AK5: variants seen among roughly 807,000 people sequenced by gnomAD.
AK5 encodes the protein adenylate kinase isoenzyme 5.
In AK5, 27 loss-of-function variants were observed where a neutral mutation model predicts 69.5. That is an observed-to-expected ratio of 0.39 (90% CI 0.29 to 0.54). The LOEUF is 0.54. Ranked by LOEUF, AK5 falls within the 20% of genes least tolerant of loss-of-function variation. The probability of loss-of-function intolerance (pLI) is 0.71; values close to 1 mark genes in which losing one functional copy is unlikely to be tolerated. For synonymous variants in AK5, 260 were observed against 244.4 expected (o/e 1.06, Z -0.60); for missense variants, 531 against 700.4 (o/e 0.76, Z 2.73).
chr1:77,442,178 G>C (rs1414116332), intron 8 of AK5, among the ~76,000 whole-genome samples: 1 of 152,180 alleles, frequency 6.6e-6, no homozygotes, highest in East Asian at 1.9e-4. Context: ...TCAAAACTCA[G>C]CTTAGGGATG....
intron 12 of AK5, among the ~76,000 whole-genome samples, chr1:77,534,698 G>A (rs1658859080): frequency 6.6e-6 from 1 of 152,158 alleles, no homozygotes. Context: ...TGGCATGTGT[G>A]TGTAGCCCCA....
At chr1:77,467,793 G>A (rs1654231012) in intron 8 of AK5, among the ~76,000 whole-genome samples, 1 of 152,194 alleles carries the variant, frequency 6.6e-6, no homozygotes, top group South Asian at 2.1e-4. Context: ...AGGCTGCTCT[G>A]AATTCATACG....
At chr1:77,443,191 T>A (rs1051400690) in intron 8 of AK5, among the ~76,000 whole-genome samples, 6 of 152,202 alleles carry the variant, frequency 3.9e-5, no homozygotes, top group African/African-American at 1.2e-4. Context: ...ATGTTGAGTA[T>A]CTCTTACTCA....
chr1:77,484,792 T>G (rs182841825), intron 9 of AK5, among the ~76,000 whole-genome samples: 1 of 152,378 alleles, frequency 6.6e-6, no homozygotes, highest in Non-Finnish European at 1.5e-5. Flanking sequence ...TTTTACATAG[T>G]TGAGAATGCA....
intron 9 of AK5, among the ~76,000 whole-genome samples, chr1:77,483,918 A>G (rs1553156087): frequency 6.6e-6 from 1 of 152,152 alleles, no homozygotes; most frequent in Non-Finnish European, 1.5e-5. Context: ...TAATCCCAGC[A>G]CTTTGGGAGG....
At chr1:77,463,926 C>T (rs979776577) in intron 8 of AK5, among the ~76,000 whole-genome samples, 1 of 152,128 alleles carries the variant, frequency 6.6e-6, no homozygotes, top group African/African-American at 2.4e-5. Flanking sequence ...GGTGCTTAAG[C>T]AGAGTCCAAT....
intron 8 of AK5, among the ~76,000 whole-genome samples, chr1:77,441,833 A>C (rs55955831): frequency 2.9e-3 from 444 of 152,176 alleles, no homozygotes; most frequent in Non-Finnish European, 3.1e-3. Context: ...AAGATCTCTC[A>C]AACCTATTGT....
chr1:77,333,625 G>T (rs1306834520), intron 5 of AK5, among the ~76,000 whole-genome samples: 1 of 150,662 alleles, frequency 6.6e-6, no homozygotes, highest in African/African-American at 2.5e-5. Context: ...AGCAAACTAT[G>T]GCCCATGTGC....
intron 10 of AK5, among the ~76,000 whole-genome samples, chr1:77,516,757 G>C (rs1231148313): frequency 6.6e-6 from 1 of 152,002 alleles, no homozygotes; most frequent in Admixed American, 6.6e-5. Context: ...GGACATGACA[G>C]TGCTGGAGGA....
intron 10 of AK5, among the ~76,000 whole-genome samples, chr1:77,488,967 G>T (rs11583090): frequency 6.6e-6 from 1 of 152,146 alleles, no homozygotes; most frequent in Non-Finnish European, 1.5e-5. Flanking sequence ...TTTTAATAAT[G>T]TGGTCCAAAG....
chr1:77,520,159 C>T (rs932911468), intron 11 of AK5, among the ~76,000 whole-genome samples: 3 of 148,540 alleles, frequency 2.0e-5, no homozygotes, highest in Non-Finnish European at 4.4e-5. Context: ...ACCAAGATCA[C>T]GCCTCTGCAC....
intron 10 of AK5, among the ~76,000 whole-genome samples, chr1:77,510,160 G>T (rs866208397): frequency 6.6e-6 from 1 of 151,946 alleles, no homozygotes; most frequent in African/African-American, 2.4e-5. Context: ...CCTGGACACT[G>T]GCTCTTGTTA....
At chr1:77,376,355 A>G (rs1259762374) in intron 6 of AK5, among the ~76,000 whole-genome samples, 2 of 147,076 alleles carry the variant, frequency 1.4e-5, no homozygotes, top group Non-Finnish European at 3.0e-5. Flanking sequence ...CTTGCCAGAG[A>G]TTAGAGAAAG....
intron 12 of AK5, among the ~76,000 whole-genome samples, chr1:77,525,127 T>TAAGGAA (rs1266279456): frequency 3.9e-5 from 6 of 152,216 alleles, no homozygotes; most frequent in African/African-American, 1.4e-4. Flanking sequence ...CAGGCTTGTG[T>TAAGGAA]TGAACTCCTG....
chr1:77,427,975 A>G (rs1651325925), intron 8 of AK5, among the ~76,000 whole-genome samples: 1 of 152,230 alleles, frequency 6.6e-6, no homozygotes, highest in Non-Finnish European at 1.5e-5. Flanking sequence ...CAAGGACAGA[A>G]CCAAGCTATT....
rs116879231 is a variant in AK5, at chr1:77,451,135, C to T, written c.1060-32182C>T. 5.3e-5 allele frequency among the ~76,000 whole-genome samples: 8 copies of T among 151,612 alleles called. No individual in the cohort carries two copies. The East Asian group carries it at 1.6e-3, about 29-fold the overall frequency. The stretch of plus-strand genomic sequence containing the variant: ...AGGCTGCAGTGAGCCATGATTCTAC[C>T]ACTGCACTACAGCCTAGGCAACAGA... On this transcript the variant is annotated intron_variant, in intron 8 of 13. Transcript: ENST00000354567.
intron 6 of AK5, among the ~76,000 whole-genome samples, chr1:77,376,433 C>CAAAAAAAAAAAA (rs757594684): frequency 4.5e-4 from 6 of 13,438 alleles, no homozygotes; most frequent in Admixed American, 1.2e-3. Context: ...CACTCAATGC[C>CAAAAAAAAAAAA]AAAAAAAAAA....
chr1:77,403,972 G>A (rs11162336), intron 6 of AK5, among the ~76,000 whole-genome samples: 3 of 151,776 alleles, frequency 2.0e-5, no homozygotes, highest in Non-Finnish European at 4.4e-5. Context: ...CTTTTATTTC[G>A]TTGAGCAGTG....
At chr1:77,487,379 T>C (rs1019734542) in intron 10 of AK5, among the ~76,000 whole-genome samples, 21 of 152,124 alleles carry the variant, frequency 1.4e-4, no homozygotes, top group African/African-American at 4.8e-4. Context: ...TAAAAATGCA[T>C]AAAAAAAGGA....
Sources: gnomAD v4.1 joint callset for allele counts (sites outside exome capture counted in the v4.1 genomes callset) on GRCh38, gnomAD v4.1.1 for gene constraint, MANE v1.5 for transcripts, NCBI Gene and HGNC (gene_info 2026-07-23, HGNC 2026-07-21) for gene names.